PLPPR1: variants seen among roughly 807,000 people sequenced by gnomAD.
The protein encoded by PLPPR1 is phospholipid phosphatase-related protein type 1.
Under a neutral mutation model 33.1 loss-of-function variants are expected in PLPPR1, and 10 were observed. The ratio of observed to expected loss-of-function variants is 0.30; its 90% CI spans 0.19 to 0.51. The LOEUF (loss-of-function observed/expected upper bound fraction) is 0.51. Ranked by LOEUF, PLPPR1 falls within the 20% of genes least tolerant of loss-of-function variation. The probability of loss-of-function intolerance (pLI) is 0.97; values close to 1 mark genes in which losing one functional copy is unlikely to be tolerated. For missense variants in PLPPR1, 304 were observed against 408.1 expected, an observed-to-expected ratio of 0.74 and a Z score of 2.20; for synonymous variants, 151 against 151.0, an observed-to-expected ratio of 1.00 and a Z score of 0.00.
chr9:101,134,717 G>A (rs1831357843), intron 1 of PLPPR1, among the ~76,000 whole-genome samples: 1 of 152,122 alleles, frequency 6.6e-6, no homozygotes. Context: ...AACTTCAATT[G>A]TTCAGTGTAT....
intron 1 of PLPPR1, among the ~76,000 whole-genome samples, chr9:101,135,481 T>G (rs1451365361): frequency 6.6e-6 from 1 of 152,208 alleles, no homozygotes; most frequent in Non-Finnish European, 1.5e-5. Context: ...AGTTTTGTTT[T>G]GTTTGGTTTT....
chr9:101,235,239 CTT>C (rs1827275984), intron 2 of PLPPR1, among the ~76,000 whole-genome samples: 1 of 151,756 alleles, frequency 6.6e-6, no homozygotes, highest in Admixed American at 6.6e-5. Context: ...GATTGTTTGA[CTT>C]TGCCTATATG....
chr9:101,180,127 TATATATATATATATATACAC>T (rs1255990036), intron 1 of PLPPR1, among the ~76,000 whole-genome samples: 27 of 35,214 alleles, frequency 7.7e-4, no homozygotes, highest in South Asian at 3.6e-3. Flanking sequence ...TATATATATA[TATATATATATATATATACAC>T]ACACACACAC....
chr9:101,268,141 T>C (rs1181923396), intron 2 of PLPPR1, among the ~76,000 whole-genome samples: 2 of 151,886 alleles, frequency 1.3e-5, no homozygotes, highest in Non-Finnish European at 2.9e-5. Flanking sequence ...TTAGGAGATA[T>C]ACCTAATGTA....
chr9:101,092,870 A>G (rs925910254), intron 1 of PLPPR1, among the ~76,000 whole-genome samples: 1 of 152,154 alleles, frequency 6.6e-6, no homozygotes, highest in Non-Finnish European at 1.5e-5. Context: ...TGATGGGATT[A>G]GTGTCCTTAT....
intron 1 of PLPPR1, among the ~76,000 whole-genome samples, chr9:101,136,777 G>C (rs1024663442): frequency 6.6e-6 from 1 of 152,138 alleles, no homozygotes; most frequent in African/African-American, 2.4e-5. Flanking sequence ...GATCTTCTTG[G>C]GGTAGAATGA....
At chr9:101,274,802 T>TC (rs1487737350) in intron 3 of PLPPR1, among the ~76,000 whole-genome samples, 4 of 152,100 alleles carry the variant, frequency 2.6e-5, no homozygotes, top group African/African-American at 9.7e-5. Context: ...GAGAGGCAGG[T>TC]CTCATGTCAC....
At chr9:101,108,976 T>TTTTTTTA (rs1831014760) in intron 1 of PLPPR1, among the ~76,000 whole-genome samples, 1 of 150,368 alleles carries the variant, frequency 6.7e-6, no homozygotes, top group African/African-American at 2.4e-5. Flanking sequence ...TTTTTTTTTT[T>TTTTTTTA]GAGATGGAGT....
chr9:101,208,272 A>T (rs1826625816), intron 2 of PLPPR1, among the ~76,000 whole-genome samples: 1 of 150,104 alleles, frequency 6.7e-6, no homozygotes, highest in African/African-American at 2.5e-5. Context: ...ACTGGATAGA[A>T]GCAAAGGCTC....
chr9:101,117,784 C>G (rs1320005527), intron 1 of PLPPR1, among the ~76,000 whole-genome samples: 1 of 152,100 alleles, frequency 6.6e-6, no homozygotes, highest in Non-Finnish European at 1.5e-5. Flanking sequence ...TTTCAAAAGG[C>G]AATTGTGAAG....
At chr9:101,082,725 T>A (rs761559928) in intron 1 of PLPPR1, among the ~76,000 whole-genome samples, 6 of 152,210 alleles carry the variant, frequency 3.9e-5, no homozygotes, top group Non-Finnish European at 5.9e-5. Flanking sequence ...CCATGTGTTA[T>A]TCAGGAGTAA....
intron 1 of PLPPR1, among the ~76,000 whole-genome samples, chr9:101,168,060 G>T (rs1030663254): frequency 6.6e-6 from 1 of 152,078 alleles, no homozygotes; most frequent in African/African-American, 2.4e-5. Context: ...GGAAAGACCT[G>T]CCCCTATGAT....
intron 2 of PLPPR1, among the ~76,000 whole-genome samples, chr9:101,220,143 C>G (rs1378495657): frequency 6.6e-6 from 1 of 152,040 alleles, no homozygotes; most frequent in Non-Finnish European, 1.5e-5. Context: ...TGGCCCCTAC[C>G]CACTAAATGC....
At chr9:101,076,383 T>G (rs1215821999) in intron 1 of PLPPR1, among the ~76,000 whole-genome samples, 2 of 152,202 alleles carry the variant, frequency 1.3e-5, no homozygotes, top group African/African-American at 4.8e-5. Context: ...ATGGGCATAT[T>G]GGTACTTACT....
chr9:101,277,371 A>G (rs551336428), intron 3 of PLPPR1, among the ~76,000 whole-genome samples: 1 of 152,210 alleles, frequency 6.6e-6, no homozygotes, highest in Non-Finnish European at 1.5e-5. Context: ...CAGAGATATC[A>G]GCAAATGTGA....
intron 2 of PLPPR1, among the ~76,000 whole-genome samples, chr9:101,232,370 G>C (rs561016228): frequency 6.6e-6 from 1 of 151,792 alleles, no homozygotes; most frequent in African/African-American, 2.4e-5. Context: ...GGGACAACTG[G>C]GCAACTGGGC....
At chr9:101,139,835 C>T (rs1428861996) in intron 1 of PLPPR1, among the ~76,000 whole-genome samples, 1 of 152,104 alleles carries the variant, frequency 6.6e-6, no homozygotes, top group African/African-American at 2.4e-5. Context: ...CACAGTCTCC[C>T]TAGAATGGCC....
At chr9:101,169,938 T>C (rs1825916532) in intron 1 of PLPPR1, among the ~76,000 whole-genome samples, 1 of 151,748 alleles carries the variant, frequency 6.6e-6, no homozygotes, top group Non-Finnish European at 1.5e-5. Flanking sequence ...GACCTGAGAC[T>C]TAGATTAAGA....
chr9:101,276,848 C>G (rs1446758088), intron 3 of PLPPR1, among the ~76,000 whole-genome samples: 1 of 152,186 alleles, frequency 6.6e-6, no homozygotes, highest in African/African-American at 2.4e-5. Flanking sequence ...TTACTGAACT[C>G]TTTTCAGAAT....
Sources: allele counts gnomAD v4.1 joint callset (sites outside exome capture counted in the v4.1 genomes callset), GRCh38; gene constraint gnomAD v4.1.1; transcripts MANE v1.5; gene names NCBI Gene and HGNC (gene_info 2026-07-23, HGNC 2026-07-21).